Variants in PXDNL observed in about 807,000 individuals in gnomAD.
PXDNL encodes probable oxidoreductase PXDNL.
Under a neutral mutation model 150.8 loss-of-function variants are expected in PXDNL, and 145 were observed. That is an observed-to-expected ratio of 0.96 (90% CI 0.84 to 1.10). The LOEUF is 1.10. Among genes scored for constraint, PXDNL ranks in the 50% least tolerant of loss-of-function variants. PXDNL has a pLI of 0.00. For missense variants in PXDNL, 2,087 were observed against 1,873.9 expected, an observed-to-expected ratio of 1.11 and a Z score of -2.10; for synonymous variants, 757 against 725.7, an observed-to-expected ratio of 1.04 and a Z score of -0.69.
At chr8:51,553,096 G>A (rs1343642996) in intron 4 of PXDNL, among the ~76,000 whole-genome samples, 2 of 152,246 alleles carry the variant, frequency 1.3e-5, no homozygotes, top group East Asian at 3.8e-4. Flanking sequence ...TAAATCCTAA[G>A]GCTCTCGAAT....
At chr8:51,475,223 T>C (rs1390605740) in intron 6 of PXDNL, 82 bp from the exon 7 acceptor site, 5 of 1,327,822 alleles carry the variant, frequency 3.8e-6, no homozygotes, top group Non-Finnish European at 5.2e-6. Context: ...AATATTTAAT[T>C]TCCCCTGATT....
chr8:51,796,367 A>G (rs1181180624), intron 1 of PXDNL, among the ~76,000 whole-genome samples: 1 of 151,964 alleles, frequency 6.6e-6, no homozygotes, highest in African/African-American at 2.4e-5. Context: ...AACCTTCAAA[A>G]AAATCAATGA....
At chr8:51,657,442 C>G (rs991709201) in intron 1 of PXDNL, among the ~76,000 whole-genome samples, 4 of 152,180 alleles carry the variant, frequency 2.6e-5, no homozygotes, top group African/African-American at 9.7e-5. Context: ...ACATAAAGGA[C>G]TAGGTATTTT....
rs1468944447 is a variant in PXDNL at position 51,744,929 on chromosome 8, AAAG to A, written c.164+64249_164+64251del. Among the ~76,000 whole-genome samples, 6 of 1,528 alleles carry A rather than the reference AAAG, an allele frequency of 3.9e-3. 1 individual carries two copies. The East Asian group carries it at 0.5, about 127-fold the overall frequency. The allele number at this position is 1,528 out of a possible 152,430, so 1.0% of individuals were successfully genotyped here. ...AGGAAGGAAGGAAGGAAAGAAAGAAAAAGAAAGAAAGAAAGAAAGAAAGAAAGA... is the reference window on the plus strand; with the variant it reads ...AGGAAGGAAGGAAGGAAAGAAAGAAAAAAGAAAGAAAGAAAGAAAGAAAGA... On this transcript the variant is annotated intron_variant, in intron 1 of 22. Coordinates refer to ENST00000356297, the MANE Select transcript of PXDNL (RefSeq NM_144651.5).
rs59824472 is a variant in PXDNL, at chr8:51,619,498, G to A, written c.237-26800C>T. Among the ~76,000 whole-genome samples, 7 of 152,304 alleles carry A rather than the reference G, an allele frequency of 4.6e-5. No individual in the cohort carries two copies. In the South Asian group the frequency reaches 1.4e-3, roughly 32 times the overall value. ...TCCAATTTTAATTCCCAATGTTGGA[G>A]GTGGGGCCTGGTGGGAGGTGATTAG... On this transcript the variant is annotated intron_variant, in intron 2 of 22. Transcript: ENST00000356297.
At chr8:51,515,548 G>A (rs1285107021) in intron 4 of PXDNL, among the ~76,000 whole-genome samples, 2 of 152,172 alleles carry the variant, frequency 1.3e-5, no homozygotes, top group Non-Finnish European at 2.9e-5. Context: ...GTCCTTGGGA[G>A]CTGTGAGGAA....
At chr8:51,360,322 C>T (rs781037469) in intron 19 of PXDNL, among the ~76,000 whole-genome samples, 14 of 152,142 alleles carry the variant, frequency 9.2e-5, no homozygotes, top group Non-Finnish European at 1.8e-4. Flanking sequence ...TACACATGTA[C>T]ACACATCTGC....
At chr8:51,577,923 AAAAGAAAGAAAG>A (rs1234489822) in intron 3 of PXDNL, among the ~76,000 whole-genome samples, 777 of 42,276 alleles carry the variant, frequency 0.018, 35 homozygotes, top group East Asian at 0.027. Context: ...GAAAAGAAAG[AAAAGAAAGAAAG>A]AAAGAAAGAA....
chr8:51,481,563 C>T (rs1810604467), intron 6 of PXDNL, among the ~76,000 whole-genome samples: 1 of 152,166 alleles, frequency 6.6e-6, no homozygotes, highest in Non-Finnish European at 1.5e-5. Flanking sequence ...CAGGGTATGT[C>T]AGAGACCTTC....
intron 4 of PXDNL, among the ~76,000 whole-genome samples, chr8:51,507,055 G>C (rs1811310736): frequency 1.3e-5 from 2 of 152,004 alleles, no homozygotes; most frequent in African/African-American, 4.8e-5. Context: ...GGCTCCTTTA[G>C]TATATTAAAA....
chr8:51,408,338 C>T lies in PXDNL; in HGVS notation c.3286G>A (p.Gly1096Arg). Reference protein sequence around the residue: ...FSPSRIIKEGGIDPVLRGLFG... With the variant: ...FSPSRIIKEGRIDPVLRGLFG... ...AGCCCCCGGAGAACCGGGTCTATCC[C>T]ACCTTCCTTGATTATTCTGGACGGT... is the stretch of plus-strand genomic sequence containing the variant. Residue 1096 changes from glycine (G) to arginine (R), a missense_variant, in exon 17 of 23, where the codon GGG becomes AGG. By Grantham distance (125) the Gly-to-Arg change is moderately radical (BLOSUM62 -2). Transcript: ENST00000356297. The T allele has an allele frequency of 1.9e-6, 3 of 1,614,058 alleles. No homozygotes were observed. The highest frequency in any genetic ancestry group is 2.5e-6 in the Non-Finnish European group (3 of 1,179,902).
rs1316159690 is a variant in PXDNL, at chr8:51,784,427, TTA to T, written c.164+24752_164+24753del. 4.6e-5 allele frequency among the ~76,000 whole-genome samples: 7 copies of T among 152,338 alleles called. No individual in the cohort carries two copies. The East Asian group carries it at 1.2e-3, about 25-fold the overall frequency. On this transcript the variant is annotated intron_variant, in intron 1 of 22. Transcript: ENST00000356297. ...CATACCAGAATCTCGCTCATGAACT[TTA>T]TATGTTTCTTTCATATCTGCCATAA...
chr8:51,385,226 C>T (rs1452566812), intron 17 of PXDNL, among the ~76,000 whole-genome samples: 3 of 151,986 alleles, frequency 2.0e-5, no homozygotes, highest in Non-Finnish European at 4.4e-5. Flanking sequence ...ACATATTCCC[C>T]TTTTATTTAA....
intron 1 of PXDNL, among the ~76,000 whole-genome samples, chr8:51,770,481 CG>C (rs2037281324): frequency 6.6e-6 from 1 of 152,166 alleles, no homozygotes; most frequent in Non-Finnish European, 1.5e-5. Context: ...TTTTTTCCTC[CG>C]GTTTTTTGCT....
chr8:51,322,810 G>T (rs1805365675), intron 21 of PXDNL, among the ~76,000 whole-genome samples: 2 of 152,210 alleles, frequency 1.3e-5, no homozygotes, highest in Admixed American at 1.3e-4. Context: ...GGACAGGAGG[G>T]TTGGTTCTTG....
chr8:51,599,377 T>C (rs1432294612), intron 2 of PXDNL, among the ~76,000 whole-genome samples: 1 of 151,920 alleles, frequency 6.6e-6, no homozygotes, highest in Non-Finnish European at 1.5e-5. Context: ...TTTATTGCTC[T>C]CAACTTTCCT....
chr8:51,605,501 T>C (rs1585614678), intron 2 of PXDNL, among the ~76,000 whole-genome samples: 1 of 152,048 alleles, frequency 6.6e-6, no homozygotes, highest in East Asian at 1.9e-4. Flanking sequence ...TTAATATAAA[T>C]ATTCATTATT....
chr8:51,387,057 ACAGT>A (rs1807739676), intron 17 of PXDNL, among the ~76,000 whole-genome samples: 1 of 152,124 alleles, frequency 6.6e-6, no homozygotes, highest in Admixed American at 6.5e-5. Context: ...CTACTCTTTC[ACAGT>A]CAGAGATGAA....
At chr8:51,673,939 C>A (rs781132775) in intron 1 of PXDNL, among the ~76,000 whole-genome samples, 52 of 152,112 alleles carry the variant, frequency 3.4e-4, no homozygotes, top group Non-Finnish European at 5.6e-4. Flanking sequence ...TCCCTGAAGA[C>A]TTAAATAAGA....
Sources: allele counts gnomAD v4.1 joint callset (sites outside exome capture counted in the v4.1 genomes callset), GRCh38; gene constraint gnomAD v4.1.1; transcripts MANE v1.5; gene names NCBI Gene and HGNC (gene_info 2026-07-23, HGNC 2026-07-21).